Variants in MAN1C1 observed in about 807,000 individuals in gnomAD.
MAN1C1 encodes mannosyl-oligosaccharide 1,2-alpha-mannosidase IC.
MAN1C1 carries 49 observed loss-of-function variants against 71.5 expected under a neutral mutation model. The ratio of observed to expected loss-of-function variants is 0.69; its 90% CI spans 0.54 to 0.87. The LOEUF (loss-of-function observed/expected upper bound fraction) is 0.87, where lower values mean the gene tolerates loss of function less well. Ranked by LOEUF, MAN1C1 falls within the 40% of genes least tolerant of loss-of-function variation. The pLI is 0.00. For synonymous variants in MAN1C1, 352 were observed against 343.7 expected (o/e 1.02, Z -0.27); for missense variants, 743 against 835.0 (o/e 0.89, Z 1.36).
Position 25,686,522 on chromosome 1 carries a change from AG to A in MAN1C1, c.626del (p.Gly209ValfsTer24), listed in dbSNP as rs2046233649. 1 of 1,613,988 alleles carries A rather than the reference AG, an allele frequency of 6.2e-7. No individual in the cohort carries two copies. Reference protein sequence around the residue: ...ELRPLTKDGYEGNMFGGLSGA... With the variant: ...ELRPLTKDGYXGNMFGGLSGA... ...CGTCCACTAACAAAAGATGGCTACGAGGGTAACATGTTCGGTGAGTCGATTC... is the reference window on the plus strand; with the variant it reads ...CGTCCACTAACAAAAGATGGCTACGAGGTAACATGTTCGGTGAGTCGATTC... On this transcript the variant is annotated frameshift_variant, in exon 2 of 12. Transcript: ENST00000374332. LOFTEE classifies it high-confidence loss of function.
intron 2 of MAN1C1, among the ~76,000 whole-genome samples, chr1:25,740,293 G>T (rs1288594803): frequency 6.6e-6 from 1 of 152,140 alleles, no homozygotes; most frequent in African/African-American, 2.4e-5. Flanking sequence ...GAGGAGGAGA[G>T]GCAGTGAGGG....
At chr1:25,736,397 G>A (rs2046982768) in intron 2 of MAN1C1, among the ~76,000 whole-genome samples, 1 of 152,118 alleles carries the variant, frequency 6.6e-6, no homozygotes, top group African/African-American at 2.4e-5. Context: ...TGGTATGCTG[G>A]GTGTGTCATA....
chr1:25,632,143 ATGTG>A (rs1362009809), intron 1 of MAN1C1, among the ~76,000 whole-genome samples: 1 of 151,870 alleles, frequency 6.6e-6, no homozygotes, highest in African/African-American at 2.4e-5. Context: ...GCTTTTTTGT[ATGTG>A]TGTGGCAATT....
At chr1:25,636,676 C>T (rs907154865) in intron 1 of MAN1C1, among the ~76,000 whole-genome samples, 3 of 152,210 alleles carry the variant, frequency 2.0e-5, no homozygotes, top group African/African-American at 7.2e-5. Context: ...ACAATTATCA[C>T]AGTGGTCCTG....
chr1:25,716,099 A>G (rs1321225734), intron 2 of MAN1C1, among the ~76,000 whole-genome samples: 1 of 152,226 alleles, frequency 6.6e-6, no homozygotes, highest in Non-Finnish European at 1.5e-5. Context: ...CAGAAGTCAC[A>G]TGCAGCACTT....
intron 5 of MAN1C1, among the ~76,000 whole-genome samples, chr1:25,756,443 G>A (rs1341914157): frequency 7.1e-6 from 1 of 140,078 alleles, no homozygotes; most frequent in African/African-American, 2.5e-5. Flanking sequence ...TGGGAGAGAG[G>A]AAGGAGAGGC....
At chr1:25,692,308 G>A (rs551157177) in intron 2 of MAN1C1, among the ~76,000 whole-genome samples, 6 of 152,344 alleles carry the variant, frequency 3.9e-5, no homozygotes, top group East Asian at 1.9e-4. Context: ...CTTAGGAGGT[G>A]TATGATTTCG....
intron 2 of MAN1C1, among the ~76,000 whole-genome samples, chr1:25,714,048 G>A (rs1295675339): frequency 6.6e-6 from 1 of 152,228 alleles, no homozygotes; most frequent in East Asian, 1.9e-4. Flanking sequence ...ACTTTAAAAT[G>A]CAGCGTAGCA....
intron 1 of MAN1C1, among the ~76,000 whole-genome samples, chr1:25,619,744 C>T (rs11589449): frequency 1.3e-5 from 2 of 152,190 alleles, no homozygotes; most frequent in East Asian, 1.9e-4. Flanking sequence ...GCATTCATTT[C>T]TCCCTTTCTT....
chr1:25,722,366 C>T (rs1206863298), intron 2 of MAN1C1, among the ~76,000 whole-genome samples: 1 of 152,072 alleles, frequency 6.6e-6, no homozygotes, highest in Non-Finnish European at 1.5e-5. Context: ...TATTTCCTTC[C>T]ACCGATTTTT....
At chr1:25,641,071 T>C (rs3767910) in intron 1 of MAN1C1, among the ~76,000 whole-genome samples, 29,795 of 152,200 alleles carry the variant, frequency 0.2, 3,237 homozygotes, top group East Asian at 0.37. Flanking sequence ...CTGTATAGCC[T>C]GTAGTCTTTT....
intron 1 of MAN1C1, among the ~76,000 whole-genome samples, chr1:25,668,885 C>T (rs2045959417): frequency 6.6e-6 from 1 of 152,140 alleles, no homozygotes; most frequent in African/African-American, 2.4e-5. Context: ...AGCTGCTGTG[C>T]TCAGAATTGA....
intron 1 of MAN1C1, among the ~76,000 whole-genome samples, chr1:25,666,420 A>G (rs1217441545): frequency 2.0e-5 from 3 of 152,218 alleles, no homozygotes; most frequent in Non-Finnish European, 4.4e-5. Flanking sequence ...GTCAAATCTG[A>G]GAGCAAACGG....
In MAN1C1 at chr1:25,626,368, T is replaced by C. The variant is rs188538334; in HGVS notation, c.540+8031T>C. 1.7e-3 allele frequency among the ~76,000 whole-genome samples: 258 copies of C among 152,150 alleles called. 1 individual carries two copies. Among genetic ancestry groups the C allele is most frequent in the African/African-American group, 5.1e-3 (210 of 41,528 alleles). On this transcript the variant is annotated intron_variant, in intron 1 of 11. Transcript: ENST00000374332. ...TTGCTATTTCTTTCTTTCTTTCTTT[T>C]TTTTTTTTGAGATGGAGTCTTGCTC...
intron 1 of MAN1C1, among the ~76,000 whole-genome samples, chr1:25,657,090 G>A (rs1040243164): frequency 3.3e-5 from 5 of 152,210 alleles, no homozygotes; most frequent in African/African-American, 7.2e-5. Flanking sequence ...CTCCCAAAGT[G>A]CTGGGATTAC....
intron 1 of MAN1C1, among the ~76,000 whole-genome samples, chr1:25,637,852 G>C (rs1317489216): frequency 6.6e-6 from 1 of 151,746 alleles, no homozygotes; most frequent in African/African-American, 2.4e-5. Flanking sequence ...GATTGATATA[G>C]CCTCTTCAGC....
At chr1:25,651,688 C>T (rs954898185) in intron 1 of MAN1C1, among the ~76,000 whole-genome samples, 13 of 152,182 alleles carry the variant, frequency 8.5e-5, no homozygotes, top group Admixed American at 3.9e-4. Context: ...TAACCACACG[C>T]GGGTCTTTCT....
intron 1 of MAN1C1, among the ~76,000 whole-genome samples, chr1:25,679,621 AC>A (rs2046117933): frequency 6.6e-6 from 1 of 150,824 alleles, no homozygotes; most frequent in Non-Finnish European, 1.5e-5. Context: ...CAAGGATCTT[AC>A]GTTTACCTTC....
At chr1:25,669,142 GTC>G (rs919184507) in intron 1 of MAN1C1, among the ~76,000 whole-genome samples, 1 of 152,194 alleles carries the variant, frequency 6.6e-6, no homozygotes, top group Non-Finnish European at 1.5e-5. Flanking sequence ...GTATGGCAAG[GTC>G]TGTTTTGCCC....
Sources: gnomAD v4.1 joint callset for allele counts (sites outside exome capture counted in the v4.1 genomes callset) on GRCh38, gnomAD v4.1.1 for gene constraint, MANE v1.5 for transcripts, NCBI Gene and HGNC (gene_info 2026-07-23, HGNC 2026-07-21) for gene names.